The following ATAD3B variants were observed in gnomAD, a reference collection of about 807,000 sequenced individuals.
ATAD3B encodes ATPase family AAA domain containing 3B, also known as ATPase family AAA domain-containing protein 3B.
Under a neutral mutation model 70.2 loss-of-function variants are expected in ATAD3B, and 59 were observed. That is an observed-to-expected ratio of 0.84 (90% confidence interval 0.68 to 1.04). The LOEUF (loss-of-function observed/expected upper bound fraction) is 1.04. ATAD3B is among the 50% of genes least tolerant of loss of function. The probability of loss-of-function intolerance (pLI) is 0.00; values close to 1 mark genes in which losing one functional copy is unlikely to be tolerated. For missense variants in ATAD3B, 961 were observed against 913.4 expected (o/e 1.05, Z -0.67); for synonymous variants, 423 against 388.6 (o/e 1.09, Z -1.04).
intron 11 of ATAD3B, among the ~76,000 whole-genome samples, chr1:1,487,604 G>A (rs1357018382): frequency 6.6e-6 from 1 of 151,898 alleles, no homozygotes; most frequent in Non-Finnish European, 1.5e-5. Context: ...TGGCTGGTGT[G>A]TGGGTGAAAC....
At chr1:1,477,408 G>T (rs1639649351) in intron 2 of ATAD3B, 58 bp downstream of exon 2, 1 of 1,608,922 alleles carries the variant, frequency 6.2e-7, no homozygotes, top group African/African-American at 1.3e-5. Flanking sequence ...CAGGCGTGGA[G>T]ATTGGTGGGG....
At chr1:1,506,983 T>G in the ATAD3B span, among the ~76,000 whole-genome samples, 2 of 151,996 alleles carry the variant, frequency 1.3e-5, no homozygotes, top group African/African-American at 4.8e-5. Flanking sequence ...GAGATGAGGT[T>G]TCACTATATT....
Position 1,471,766 on chromosome 1 carries a change from T to C in ATAD3B, c.-119T>C. ...CGTCGCCGGGAGGAAGGGGTGTGTG[T>C]TTCGCCTGCGCAGTGGTCCTGGCCA... On this transcript the variant is annotated 5_prime_UTR_variant, in exon 1 of 16. Coordinates refer to ENST00000673477, the MANE Select transcript of ATAD3B (RefSeq NM_031921.6). 2.5e-5 allele frequency: 30 copies of C among 1,199,638 alleles called. No individual in the cohort carries two copies. The highest frequency in any genetic ancestry group is 3.0e-5 in the Non-Finnish European group (29 of 962,598). The allele number at this position is 1,199,638 out of a possible 1,614,324, so 74.3% of individuals were successfully genotyped here.
In ATAD3B at chr1:1,480,408, C is replaced by T. The variant is rs1181980673; in HGVS notation, c.445-459C>T. Among the ~76,000 whole-genome samples the T allele has an allele frequency of 2.7e-5, 4 of 146,338 alleles. 1 individual carries two copies. The highest frequency in any genetic ancestry group is 7.7e-5 in the African/African-American group (3 of 38,992). On this transcript the variant is annotated intron_variant, in intron 4 of 15. Coordinates refer to ENST00000673477, the MANE Select transcript of ATAD3B (RefSeq NM_031921.6). ...GGGAGGGCTGGTCAGTGGCGGCGGG[C>T]GGGTCTCTGGGTCTATGAGAAAAGC...
rs746865760 is a variant in ATAD3B, at chr1:1,489,325, C to T, written c.1337+51C>T. 4.0e-5 allele frequency: 65 copies of T among 1,611,260 alleles called. 1 individual carries two copies. The highest frequency in any genetic ancestry group is 4.8e-5 in the Non-Finnish European group (57 of 1,178,572). On this transcript the variant is annotated intron_variant, in intron 13 of 15. Transcript: ENST00000673477. ...CCCCCGGGCAGGGCTGTGCAGCCGT[C>T]GCCCTTGGTTCCCACTGAGGGTCCC...
At position 1,477,995 on chromosome 1, in the gene ATAD3B, C is replaced by T. The variant is rs552906649; in HGVS notation, c.282+645C>T. The stretch of plus-strand genomic sequence containing the variant: ...CTGGGATTACAGGCACGCGCCACCA[C>T]GCCTGGCCTATTTTATTTTATTTTG... On this transcript the variant is annotated intron_variant, in intron 2 of 15. Transcript: ENST00000673477. 296 of 161,224 alleles carry T rather than the reference C, an allele frequency of 1.8e-3. 4 individuals are homozygous for T. The highest frequency in any genetic ancestry group is 6.9e-3 in the African/African-American group (284 of 41,128). 10.0% of individuals were successfully genotyped at this position (161,224 alleles called of 1,614,324 possible). A position where few individuals can be genotyped will look rare whatever the true frequency, so the allele number is the denominator to read the frequency against.
intron 11 of ATAD3B, among the ~76,000 whole-genome samples, chr1:1,487,425 C>T (rs1640280805): frequency 6.6e-6 from 1 of 150,778 alleles, no homozygotes; most frequent in African/African-American, 2.4e-5. Flanking sequence ...GAGGCAGAGC[C>T]TGCAGTGAGC....
chr1:1,509,371 C>T, the ATAD3B span: 5 of 1,606,022 alleles, frequency 3.1e-6, no homozygotes, highest in East Asian at 4.5e-5. Context: ...GAGACCACAC[C>T]TCACGGAGCC....
At chr1:1,500,003 T>C (rs1640910311), downstream of ATAD3B, among the ~76,000 whole-genome samples, 1 of 151,302 alleles carries the variant, frequency 6.6e-6, no homozygotes, top group Non-Finnish European at 1.5e-5. Flanking sequence ...GTTCAAGCCA[T>C]TCTCTTGCCT....
At chr1:1,497,849 GAACTGTTTA>G (rs1295701338), downstream of ATAD3B, 2 of 120,918 alleles carry the variant, frequency 1.7e-5, no homozygotes, top group Admixed American at 9.0e-5. Flanking sequence ...CTGGGCAACA[GAACTGTTTA>G]AAAAAAAAAA....
In ATAD3B at chr1:1,485,187, T is replaced by C. The variant is rs761395323; in HGVS notation, c.906+16T>C. 15 of 1,609,022 alleles carry C rather than the reference T, an allele frequency of 9.3e-6. No individual in the cohort carries two copies. Among genetic ancestry groups the C allele is most frequent in the East Asian group, 6.7e-5 (3 of 44,854 alleles). ...CCCCATCCAGGTAGCGGCGCAGGCC[T>C]GGCCCTCCCTGAGTGCAGTTCCTGG... On this transcript the variant is annotated intron_variant, in intron 8 of 15. Transcript: ENST00000673477.
intron 15 of ATAD3B, among the ~76,000 whole-genome samples, chr1:1,490,893 GAC>G (rs1640510311): frequency 6.6e-6 from 1 of 152,052 alleles, no homozygotes; most frequent in Admixed American, 6.6e-5. Context: ...GTTGGTTGCT[GAC>G]AGTCACACGG....
downstream of ATAD3B, among the ~76,000 whole-genome samples, chr1:1,500,541 G>A (rs774295962): frequency 0.019 from 2,704 of 143,428 alleles, 46 homozygotes; most frequent in Admixed American, 0.035. Context: ...GGGACAGAGC[G>A]AGACTCCGTC....
chr1:1,495,826 T>A lies in ATAD3B; in HGVS notation c.*9T>A, dbSNP rs766328822. On this transcript the variant is annotated 3_prime_UTR_variant, in exon 16 of 16. Coordinates refer to ENST00000673477, the MANE Select transcript of ATAD3B (RefSeq NM_031921.6). The stretch of plus-strand genomic sequence containing the variant: ...GGCACCCCCTGTTGTAGGCACTGGC[T>A]AGGGAGGGGCAGGCCTCCTTCCTGC... 1.9e-6 allele frequency: 3 copies of A among 1,545,854 alleles called. 1 individual carries two copies. Among genetic ancestry groups the A allele is most frequent in the Non-Finnish European group, 2.6e-6 (3 of 1,147,580 alleles).
At chr1:1,499,394 GC>G (rs1353665584), downstream of ATAD3B, among the ~76,000 whole-genome samples, 15 of 142,732 alleles carry the variant, frequency 1.1e-4, no homozygotes, top group Non-Finnish European at 2.3e-4. Flanking sequence ...GTGCCACCAC[GC>G]CCAGCTACTT....
At chr1:1,487,813 G>C (rs1321547242) in intron 11 of ATAD3B, 50 bp from the exon 12 acceptor site, 1 of 1,604,830 alleles carries the variant, frequency 6.2e-7, no homozygotes, top group South Asian at 1.1e-5. Context: ...GCTGCTGTGG[G>C]CTGCTCCTGG....
In ATAD3B at chr1:1,482,187, A is replaced by T; in HGVS notation, c.564A>T (p.Arg188=). The T allele has an allele frequency of 6.2e-7, 1 of 1,611,008 alleles. No homozygotes were observed. The highest frequency in any genetic ancestry group is 8.5e-7 in the Non-Finnish European group (1 of 1,179,230). ...MELRHKNEML[R]VETEARARAK... ...TGCGGCACAAGAATGAGATGCTGCG[A>T]GTGGAGACCGAGGCCCGGGCGCGCG... Residue 188 remains arginine, a synonymous_variant, in exon 6 of 16, where the codon CGA becomes CGT. Coordinates refer to ENST00000673477, the MANE Select transcript of ATAD3B (RefSeq NM_031921.6).
the ATAD3B span, chr1:1,503,279 C>G: frequency 9.1e-6 from 3 of 330,748 alleles, no homozygotes; most frequent in Non-Finnish European, 1.7e-5. Context: ...ACACTTTACC[C>G]ATCGCCTGAC....
intron 9 of ATAD3B, 93 bp downstream of exon 9, chr1:1,485,931 C>A: frequency 6.2e-7 from 1 of 1,604,562 alleles, no homozygotes; most frequent in Admixed American, 1.7e-5. Context: ...TGGTGGCGCC[C>A]AGGAGCTTTT....
Sources: allele counts gnomAD v4.1 joint callset (sites outside exome capture counted in the v4.1 genomes callset), GRCh38; gene constraint gnomAD v4.1.1; transcripts MANE v1.5; gene names NCBI Gene and HGNC (gene_info 2026-07-23, HGNC 2026-07-21).